The following ZFPM2 variants were observed in gnomAD, a reference collection of about 807,000 sequenced individuals.
The protein encoded by ZFPM2 is zinc finger protein ZFPM2.
Under a neutral mutation model 98.6 loss-of-function variants are expected in ZFPM2, and 20 were observed. The observed-to-expected ratio is 0.20, with a 90% CI of 0.14 to 0.29. The LOEUF is 0.29. Ranked by LOEUF, ZFPM2 falls within the 10% of genes least tolerant of loss-of-function variation. The pLI is 1.00. For synonymous variants in ZFPM2, 518 were observed against 502.7 expected (o/e 1.03, Z -0.41); for missense variants, 1,310 against 1,388.6 (o/e 0.94, Z 0.90).
intron 1 of ZFPM2, among the ~76,000 whole-genome samples, chr8:105,364,362 G>A (rs1386346860): frequency 2.0e-5 from 3 of 152,024 alleles, no homozygotes; most frequent in Non-Finnish European, 2.9e-5. Flanking sequence ...GCAAGTAGGA[G>A]TGAGATATTT....
At chr8:105,653,441 A>G (rs1050387708) in intron 5 of ZFPM2, among the ~76,000 whole-genome samples, 3 of 152,350 alleles carry the variant, frequency 2.0e-5, no homozygotes, top group African/African-American at 4.8e-5. Flanking sequence ...GTCCATATCT[A>G]AATTATTCCG....
Position 105,802,057 on chromosome 8 carries a change from AATG to A in ZFPM2, c.1980_1982del (p.Asp661del), listed in dbSNP as rs765418302. On this transcript the variant is annotated inframe_deletion, in exon 8 of 8. Transcript: ENST00000407775. ...TAAGAAGCTCTCCACCTCCAGTAAC[AATG>A]ATGACAAAATTAATGGAAAACCTGT... The A allele has an allele frequency of 1.9e-6, 3 of 1,613,742 alleles. No individual in the cohort carries two copies. The highest frequency in any genetic ancestry group is 1.3e-5 in the African/African-American group (1 of 75,038).
chr8:105,598,890 A>G (rs887305679), intron 4 of ZFPM2, among the ~76,000 whole-genome samples: 3 of 152,164 alleles, frequency 2.0e-5, no homozygotes, highest in African/African-American at 4.8e-5. Context: ...GCACAGACTC[A>G]ATTTCACGAA....
intron 1 of ZFPM2, among the ~76,000 whole-genome samples, chr8:105,357,379 G>A (rs1266803101): frequency 1.3e-5 from 2 of 152,128 alleles, no homozygotes; most frequent in African/African-American, 4.8e-5. Context: ...AAGAATGTAA[G>A]CATTTTAAGG....
chr8:105,404,861 A>G (rs950756320), intron 1 of ZFPM2, among the ~76,000 whole-genome samples: 2 of 152,064 alleles, frequency 1.3e-5, no homozygotes, highest in African/African-American at 4.8e-5. Context: ...GCCACTTATT[A>G]TATAAGTAAA....
At chr8:105,440,535 C>T (rs1162878398) in intron 2 of ZFPM2, among the ~76,000 whole-genome samples, 6 of 151,998 alleles carry the variant, frequency 3.9e-5, no homozygotes, top group Non-Finnish European at 1.5e-5. Context: ...ATGATGTGGT[C>T]ACTGGGTTTA....
At chr8:105,397,221 T>A (rs1189791894) in intron 1 of ZFPM2, among the ~76,000 whole-genome samples, 1 of 152,122 alleles carries the variant, frequency 6.6e-6, no homozygotes, top group African/African-American at 2.4e-5. Flanking sequence ...TCTCAAGTAT[T>A]GATGTCATAG....
chr8:105,688,975 C>T (rs1004640545), intron 5 of ZFPM2, among the ~76,000 whole-genome samples: 4 of 152,136 alleles, frequency 2.6e-5, no homozygotes, highest in Non-Finnish European at 5.9e-5. Flanking sequence ...GGCTCCACCC[C>T]ACCTACTATT....
intron 5 of ZFPM2, among the ~76,000 whole-genome samples, chr8:105,679,316 G>GA (rs1810547875): frequency 6.6e-6 from 1 of 152,172 alleles, no homozygotes; most frequent in Non-Finnish European, 1.5e-5. Context: ...TTCCCATTTA[G>GA]ACTGTGGTCT....
chr8:105,588,707 G>A (rs907953859), intron 4 of ZFPM2, among the ~76,000 whole-genome samples: 8 of 152,154 alleles, frequency 5.3e-5, no homozygotes, highest in African/African-American at 1.4e-4. Flanking sequence ...TTGCAGTAGG[G>A]CCTTCCATTA....
intron 4 of ZFPM2, among the ~76,000 whole-genome samples, chr8:105,633,377 G>T (rs531250731): frequency 2.0e-5 from 3 of 152,246 alleles, no homozygotes; most frequent in African/African-American, 7.2e-5. Context: ...GTGAATGCCG[G>T]TTCACGGTGA....
chr8:105,754,712 G>T (rs951152557), intron 5 of ZFPM2, among the ~76,000 whole-genome samples: 1 of 151,264 alleles, frequency 6.6e-6, no homozygotes, highest in Non-Finnish European at 1.5e-5. Context: ...TGGAGGTAAA[G>T]CTTGTGATTT....
At chr8:105,642,111 C>G (rs1269249483) in intron 5 of ZFPM2, among the ~76,000 whole-genome samples, 2 of 151,992 alleles carry the variant, frequency 1.3e-5, no homozygotes, top group African/African-American at 4.8e-5. Flanking sequence ...CCAAAAGTAT[C>G]TTTGTCAGTT....
chr8:105,584,714 A>G (rs1035871364), intron 4 of ZFPM2, among the ~76,000 whole-genome samples: 3 of 152,238 alleles, frequency 2.0e-5, no homozygotes, highest in African/African-American at 4.8e-5. Flanking sequence ...AGGCCTGATA[A>G]AACCCTCTGA....
chr8:105,341,310 G>A (rs1812426885), intron 1 of ZFPM2, among the ~76,000 whole-genome samples: 1 of 151,754 alleles, frequency 6.6e-6, no homozygotes, highest in Non-Finnish European at 1.5e-5. Flanking sequence ...TTCAACAAAT[G>A]GAGAACAACG....
intron 4 of ZFPM2, among the ~76,000 whole-genome samples, chr8:105,619,450 A>G (rs1816487627): frequency 6.6e-6 from 1 of 152,158 alleles, no homozygotes; most frequent in Non-Finnish European, 1.5e-5. Flanking sequence ...TATTCTACAT[A>G]GTAGATAACC....
chr8:105,691,456 G>C (rs1277855308), intron 5 of ZFPM2, among the ~76,000 whole-genome samples: 1 of 123,380 alleles, frequency 8.1e-6, no homozygotes, highest in Non-Finnish European at 1.7e-5. Flanking sequence ...CACCTTGTTA[G>C]CCAGGATGGT....
intron 3 of ZFPM2, among the ~76,000 whole-genome samples, chr8:105,560,132 G>A (rs1172503304): frequency 4.8e-5 from 7 of 145,778 alleles, no homozygotes; most frequent in African/African-American, 7.7e-5. Flanking sequence ...TCTTGAACGC[G>A]AGAGGCAGCC....
chr8:105,678,781 A>G (rs773123102), intron 5 of ZFPM2: 32 of 152,368 alleles, frequency 2.1e-4, no homozygotes, highest in African/African-American at 7.2e-4. Flanking sequence ...CAGTCAAGCT[A>G]CAGTGGCTGT....
Sources: gnomAD v4.1 joint callset for allele counts (sites outside exome capture counted in the v4.1 genomes callset) on GRCh38, gnomAD v4.1.1 for gene constraint, MANE v1.5 for transcripts, NCBI Gene and HGNC (gene_info 2026-07-23, HGNC 2026-07-21) for gene names.